The following FRMPD4 variants were observed in gnomAD, a reference collection of about 807,000 sequenced individuals.
FRMPD4 encodes FERM and PDZ domain containing 4, also known as FERM and PDZ domain-containing protein 4.
In FRMPD4, 22 loss-of-function variants were observed where a neutral mutation model predicts 94.1. The ratio of observed to expected loss-of-function variants is 0.23; its 90% CI spans 0.17 to 0.33. The LOEUF is 0.33. Ranked by LOEUF, FRMPD4 falls within the 10% of genes least tolerant of loss-of-function variation. The pLI, the probability that FRMPD4 is intolerant of heterozygous loss-of-function variation, is 1.00. For synonymous variants in FRMPD4, 631 were observed against 548.6 expected (o/e 1.15, Z -2.10); for missense variants, 1,111 against 1,339.9 (o/e 0.83, Z 2.67).
chrX:12,132,886 T>C (rs1027693077), intron 3 of FRMPD4, among the ~76,000 whole-genome samples: 1 of 110,026 alleles, frequency 9.1e-6, no homozygotes, highest in African/African-American at 3.3e-5. Flanking sequence ...TGGAGAACTT[T>C]TGGGAGAAGA....
At chrX:12,720,069 A>AGAAT in intron 16 of FRMPD4, among the ~76,000 whole-genome samples, 2 of 108,288 alleles carry the variant, frequency 1.8e-5, no homozygotes, top group African/African-American at 6.9e-5. Flanking sequence ...AAAGAAAGAA[A>AGAAT]GAAAGAAAGA....
chrX:12,205,294 G>A (rs1045213787), intron 1 of FRMPD4, among the ~76,000 whole-genome samples: 2 of 111,087 alleles, frequency 1.8e-5, no homozygotes, highest in African/African-American at 6.5e-5. Flanking sequence ...ACCCTGTTAT[G>A]AAATGCTTTC....
intron 4 of FRMPD4, among the ~76,000 whole-genome samples, chrX:12,620,992 G>A (rs923226415): frequency 1.8e-5 from 2 of 111,650 alleles, no homozygotes; most frequent in African/African-American, 6.5e-5. Flanking sequence ...AGGCCGAGGT[G>A]GGTGGATCAC....
intron 5 of FRMPD4, among the ~76,000 whole-genome samples, chrX:12,677,632 A>G (rs2059913151): frequency 8.9e-6 from 1 of 112,077 alleles, no homozygotes. Flanking sequence ...TAGCATTTTA[A>G]TTTCTTTTGC....
intron 1 of FRMPD4, among the ~76,000 whole-genome samples, chrX:12,253,704 G>T (rs1193495913): frequency 9.0e-6 from 1 of 111,641 alleles, no homozygotes; most frequent in Admixed American, 9.5e-5. Context: ...AGAGAGAGAA[G>T]GGAGGTACAG....
chrX:11,971,982 G>A (rs2054342710), intron 3 of FRMPD4, among the ~76,000 whole-genome samples: 1 of 111,613 alleles, frequency 9.0e-6, no homozygotes, highest in African/African-American at 3.3e-5. Context: ...AAGTGAGAAT[G>A]AGGAAACTGT....
intron 1 of FRMPD4, among the ~76,000 whole-genome samples, chrX:12,256,138 T>A (rs761617947): frequency 7.2e-5 from 8 of 111,618 alleles, no homozygotes; most frequent in Non-Finnish European, 1.5e-4. Context: ...AGGCATGCAA[T>A]AAGTGAGATT....
intron 2 of FRMPD4, among the ~76,000 whole-genome samples, chrX:11,868,968 A>T (rs766649330): frequency 9.0e-6 from 1 of 110,750 alleles, no homozygotes; most frequent in African/African-American, 3.3e-5. Flanking sequence ...AACTTTGCTG[A>T]CCCTTAGGCT....
intron 3 of FRMPD4, among the ~76,000 whole-genome samples, chrX:12,081,742 C>T (rs1028171455): frequency 9.0e-6 from 1 of 111,515 alleles, no homozygotes; most frequent in East Asian, 2.8e-4. Context: ...TTGAAATTCC[C>T]TAATGGCACC....
chrX:12,648,180 G>C (rs1313184762), intron 4 of FRMPD4, among the ~76,000 whole-genome samples: 2 of 111,432 alleles, frequency 1.8e-5, no homozygotes, highest in Non-Finnish European at 1.9e-5. Context: ...ATTCTCACTA[G>C]AATTATTCTC....
At chrX:12,451,945 G>T (rs761678341) in intron 1 of FRMPD4, among the ~76,000 whole-genome samples, 13 of 108,780 alleles carry the variant, frequency 1.2e-4, no homozygotes, top group African/African-American at 4.4e-4. Context: ...ATCTTTTCCC[G>T]CTACCTTTCT....
chrX:12,116,407 C>T (rs1445245702), intron 3 of FRMPD4, among the ~76,000 whole-genome samples: 1 of 112,269 alleles, frequency 8.9e-6, no homozygotes, highest in African/African-American at 3.2e-5. Context: ...TAATCTTGAG[C>T]AGGTGAAGAA....
chrX:12,367,609 G>T (rs932857679), intron 1 of FRMPD4, among the ~76,000 whole-genome samples: 1 of 111,320 alleles, frequency 9.0e-6, no homozygotes, highest in Non-Finnish European at 1.9e-5. Flanking sequence ...GAGAGGAGTC[G>T]ATGGTGCTTG....
intron 14 of FRMPD4, among the ~76,000 whole-genome samples, chrX:12,713,003 G>C (rs183516693): frequency 1.8e-5 from 2 of 110,320 alleles, no homozygotes; most frequent in African/African-American, 6.6e-5. Context: ...ATGCAAGCCC[G>C]GGAGGTCAAG....
chrX:12,007,588 C>A (rs1183313924), intron 3 of FRMPD4, among the ~76,000 whole-genome samples: 2 of 111,324 alleles, frequency 1.8e-5, no homozygotes, highest in Non-Finnish European at 1.9e-5. Context: ...TTTTCCCTGG[C>A]AAATGCTGTC....
intron 3 of FRMPD4, among the ~76,000 whole-genome samples, chrX:12,051,773 C>A (rs1163038698): frequency 9.0e-6 from 1 of 111,153 alleles, no homozygotes; most frequent in African/African-American, 3.3e-5. Flanking sequence ...TTTATTCAAC[C>A]AATAAATGCC....
chrX:12,336,486 A>T (rs1008473444), intron 1 of FRMPD4, among the ~76,000 whole-genome samples: 1 of 111,403 alleles, frequency 9.0e-6, no homozygotes, highest in Non-Finnish European at 1.9e-5. Context: ...CCCTTCCAAG[A>T]AAAAGATGCA....
intron 2 of FRMPD4, among the ~76,000 whole-genome samples, chrX:12,552,587 T>A (rs2058548429): frequency 8.9e-6 from 1 of 112,165 alleles, no homozygotes; most frequent in Non-Finnish European, 1.9e-5. Context: ...TCACTTGAAA[T>A]GTTTCCTTTC....
intron 4 of FRMPD4, among the ~76,000 whole-genome samples, chrX:12,645,757 T>C (rs2059542532): frequency 9.0e-6 from 1 of 111,611 alleles, no homozygotes; most frequent in African/African-American, 3.3e-5. Context: ...TTAATCTTCC[T>C]CGGACATTAA....
Sources: allele counts gnomAD v4.1 joint callset (sites outside exome capture counted in the v4.1 genomes callset), GRCh38; gene constraint gnomAD v4.1.1; transcripts MANE v1.5; gene names NCBI Gene and HGNC (gene_info 2026-07-23, HGNC 2026-07-21).